SLC36A1: variants seen among roughly 807,000 people sequenced by gnomAD.
The protein encoded by SLC36A1 is proton-coupled amino acid transporter 1.
A neutral mutation model predicts 47.5 loss-of-function variants in SLC36A1; 30 were observed. The ratio of observed to expected loss-of-function variants is 0.63; its 90% CI spans 0.47 to 0.86. The LOEUF is 0.86. Ranked by LOEUF, SLC36A1 falls within the 40% of genes least tolerant of loss-of-function variation. The pLI is 0.00. For missense variants in SLC36A1, 517 were observed against 606.0 expected (o/e 0.85, Z 1.54); for synonymous variants, 255 against 249.7 (o/e 1.02, Z -0.20).
intron 10 of SLC36A1, among the ~76,000 whole-genome samples, chr5:151,485,544 C>T (rs755307003): frequency 6.6e-5 from 10 of 152,230 alleles, no homozygotes; most frequent in Non-Finnish European, 1.5e-4. Context: ...CCGCCAGACT[C>T]CCTGTCTCCC....
chr5:151,542,903 G>T, the SLC36A1 span: 1 of 1,614,182 alleles, frequency 6.2e-7, no homozygotes, highest in Non-Finnish European at 8.5e-7. Flanking sequence ...TCTGGGTCTA[G>T]GGAGAAGACA....
the SLC36A1 span, chr5:151,531,710 C>T: frequency 1.9e-6 from 3 of 1,613,890 alleles, no homozygotes; most frequent in South Asian, 2.2e-5. This position sits in a 1 kb window ranked among gnomAD's most constrained non-coding sequence, Gnocchi z 5.7. Flanking sequence ...GGTGGGGCGT[C>T]CTCGGGCACC....
chr5:151,510,089 T>C, the SLC36A1 span: 8 of 1,614,088 alleles, frequency 5.0e-6, no homozygotes, highest in African/African-American at 6.7e-5. Flanking sequence ...AAGTTCCACC[T>C]TCCAGGCAGG....
the SLC36A1 span, among the ~76,000 whole-genome samples, chr5:151,552,787 G>A: frequency 6.6e-6 from 1 of 152,230 alleles, no homozygotes; most frequent in Non-Finnish European, 1.5e-5. Flanking sequence ...CCAAAACATT[G>A]AGCATGGCCC....
the SLC36A1 span, among the ~76,000 whole-genome samples, chr5:151,553,552 C>T: frequency 6.6e-6 from 1 of 152,212 alleles, no homozygotes; most frequent in Non-Finnish European, 1.5e-5. Context: ...AAACAGGCAC[C>T]CTGCCAGTTG....
chr5:151,388,313 C>T, the SLC36A1 span, among the ~76,000 whole-genome samples: 2 of 151,938 alleles, frequency 1.3e-5, no homozygotes, highest in Admixed American at 6.6e-5. Context: ...ACCAGACGGT[C>T]CAACATGGAA....
At chr5:151,405,268 T>C in the SLC36A1 span, among the ~76,000 whole-genome samples, 1 of 152,100 alleles carries the variant, frequency 6.6e-6, no homozygotes, top group Non-Finnish European at 1.5e-5. Context: ...TATGTTGTCT[T>C]TCAACTCTTG....
chr5:151,418,316 A>C, the SLC36A1 span, among the ~76,000 whole-genome samples: 1 of 152,254 alleles, frequency 6.6e-6, no homozygotes, highest in Admixed American at 6.5e-5. Context: ...AGATCCCAGA[A>C]TGGTAGATTA....
chr5:151,538,077 A>G, the SLC36A1 span: 3 of 671,928 alleles, frequency 4.5e-6, no homozygotes, highest in Non-Finnish European at 7.3e-6. Flanking sequence ...GAAGAGAGAC[A>G]GAAAAAAGAA....
the SLC36A1 span, among the ~76,000 whole-genome samples, chr5:151,399,065 AATATAT>A: frequency 2.9e-4 from 19 of 66,606 alleles, no homozygotes; most frequent in South Asian, 1.7e-3. Context: ...TGTGTGTGTA[AATATAT>A]ATATATATAT....
chr5:151,480,192 T>G (rs1464139257), intron 10 of SLC36A1: 1 of 620,850 alleles, frequency 1.6e-6, no homozygotes, highest in Non-Finnish European at 2.4e-6. Context: ...AATCGGTTGA[T>G]AATAGCTAAT....
the SLC36A1 span, among the ~76,000 whole-genome samples, chr5:151,388,506 G>GA: frequency 1.1e-3 from 112 of 104,778 alleles, 1 homozygote; most frequent in South Asian, 1.6e-3. Context: ...CATCTCAAAA[G>GA]AAAAAAAAAA....
upstream of SLC36A1, among the ~76,000 whole-genome samples, chr5:151,446,746 CTGTTGAATGGAA>C (rs1752947499): frequency 6.6e-6 from 1 of 152,148 alleles, no homozygotes; most frequent in Admixed American, 6.5e-5. Context: ...TATTCTGTTT[CTGTTGAATGGAA>C]AGTTCTGTAT....
chr5:151,350,770 C>T, the SLC36A1 span, among the ~76,000 whole-genome samples: 23,917 of 151,706 alleles, frequency 0.16, 2,149 homozygotes, highest in East Asian at 0.38. Context: ...GGTGTGATCG[C>T]GGCTCACTGC....
the SLC36A1 span, among the ~76,000 whole-genome samples, chr5:151,369,569 T>G: frequency 2.0e-5 from 3 of 152,146 alleles, no homozygotes; most frequent in African/African-American, 7.2e-5. Flanking sequence ...TTCAAACTCT[T>G]GGGCTCAAGT....
At chr5:151,347,139 C>A in the SLC36A1 span, among the ~76,000 whole-genome samples, 3 of 152,212 alleles carry the variant, frequency 2.0e-5, no homozygotes, top group Non-Finnish European at 2.9e-5. Context: ...GCCTTTACTT[C>A]TGCCTCAGCT....
chr5:151,370,552 A>G, the SLC36A1 span, among the ~76,000 whole-genome samples: 4 of 152,216 alleles, frequency 2.6e-5, no homozygotes, highest in Non-Finnish European at 4.4e-5. Context: ...AAGTATGTGT[A>G]TACAATAATA....
rs116488403 is a variant in SLC36A1, at chr5:151,453,317, C to T, written c.-5-5471C>T. On this transcript the variant is annotated intron_variant, in intron 1 of 10. Transcript: ENST00000243389. ...TTCCTTGACGTATGTTTCATTTAAC[C>T]CAATATATCCCAGATATTATCATTG... 2.4e-3 allele frequency among the ~76,000 whole-genome samples: 371 copies of T among 151,964 alleles called. 2 individuals are homozygous for T. The highest frequency in any genetic ancestry group is 8.4e-3 in the African/African-American group (348 of 41,446).
chr5:151,379,799 A>AAT, the SLC36A1 span, among the ~76,000 whole-genome samples: 1 of 152,226 alleles, frequency 6.6e-6, no homozygotes. Context: ...TTTAAAATCT[A>AAT]ATATTTATTT....
Sources: allele counts gnomAD v4.1 joint callset (sites outside exome capture counted in the v4.1 genomes callset), GRCh38; gene constraint gnomAD v4.1.1; non-coding constraint Gnocchi (gnomAD v3.1); transcripts MANE v1.5; gene names NCBI Gene and HGNC (gene_info 2026-07-23, HGNC 2026-07-21).